ZNF142: variants seen among roughly 807,000 people sequenced by gnomAD.
ZNF142 encodes zinc finger protein 142 (clone pHZ-49).
Under a neutral mutation model 132.1 loss-of-function variants are expected in ZNF142, and 96 were observed. That is an observed-to-expected ratio of 0.73 (90% CI 0.62 to 0.86). The LOEUF is 0.86. Ranked by LOEUF, ZNF142 falls within the 40% of genes least tolerant of loss-of-function variation. The pLI is 0.00. For synonymous variants in ZNF142, 842 were observed against 890.1 expected, an observed-to-expected ratio of 0.95 and a Z score of 0.96; for missense variants, 2,163 against 2,336.2, an observed-to-expected ratio of 0.93 and a Z score of 1.53.
At position 218,652,981 on chromosome 2, in the gene ZNF142, T is replaced by TAA. The variant is rs113824084; in HGVS notation, c.281-683_281-682dup. On this transcript the variant is annotated intron_variant, in intron 4 of 10. Transcript: ENST00000411696. ...TGCTCTTTATTGTTTTTTTTGTTGT[T>TAA]AAAAAAAAAAATTTCAGGGCCAGGT... 2.9e-3 allele frequency among the ~76,000 whole-genome samples: 436 copies of TAA among 149,238 alleles called. 2 individuals are homozygous for TAA. The South Asian group carries it at 0.029, about 10-fold the overall frequency.
In ZNF142 at chr2:218,640,590, A is replaced by T. The variant is rs1360441575; in HGVS notation, c.5194+74T>A. On this transcript the variant is annotated intron_variant, in intron 10 of 10. Coordinates refer to ENST00000411696, the MANE Select transcript of ZNF142 (RefSeq NM_001379659.1). ...ATGTTGGCCCTGAATTGGAACAAGG[A>T]CCAACCTTGGTAAGGTTAGGTTTGC... is the stretch of plus-strand genomic sequence containing the variant. 6 of 1,366,660 alleles carry T rather than the reference A, an allele frequency of 4.4e-6. No individual in the cohort carries two copies. In the African/African-American group the frequency reaches 8.6e-5, roughly 19 times the overall value. The allele number at this position is 1,366,660 out of a possible 1,614,324, so 84.7% of individuals were successfully genotyped here. A position where few individuals can be genotyped will look rare whatever the true frequency, so the allele number is the denominator to read the frequency against.
chr2:218,650,163 A>G (rs912299978), intron 6 of ZNF142, among the ~76,000 whole-genome samples, 196 bp downstream of exon 6: 1 of 152,174 alleles, frequency 6.6e-6, no homozygotes, highest in East Asian at 1.9e-4. Flanking sequence ...ATTTACCCCA[A>G]TGCTATATTA....
chr2:218,642,036 G>T lies in ZNF142; in HGVS notation c.5080C>A (p.Arg1694Ser). 5 of 1,613,480 alleles carry T rather than the reference G, an allele frequency of 3.1e-6. No homozygotes were observed. ...LCPYACADPS[R>S]LKYHMRIHKE... is the part of the protein sequence containing the mutation. ...ATATCCTCTGACATTACCTTGAGAC[G>T]AGAGGGATCAGCACAGGCATAGGGG... The change falls in exon 9 of 11, where the codon CGT becomes AGT. Residue 1694 changes from arginine to serine, a missense_variant. Around this residue, in one of 7 missense-constraint regions of ZNF142, gnomAD observed 325 missense variants for 367.8 expected, o/e 0.88. Coordinates refer to ENST00000411696, the MANE Select transcript of ZNF142 (RefSeq NM_001379659.1). The surrounding 1 kb of genome is among the most constrained non-coding windows in gnomAD (Gnocchi z 4.6).
rs573181493 is a variant in ZNF142, at chr2:218,636,439, C to A, written c.*1900G>T. 4 of 1,614,000 alleles carry A rather than the reference C, an allele frequency of 2.5e-6. No individual in the cohort carries two copies. The South Asian group carries it at 4.4e-5, about 18-fold the overall frequency. On this transcript the variant is annotated 3_prime_UTR_variant, in exon 11 of 11. Transcript: ENST00000411696. ...CTGGCCAATACCCCAGCTCTGGCTG[C>A]CTTCCTAATGCTGTCCTCCTGCCCC...
In ZNF142 at chr2:218,643,307, G is replaced by A. The variant is rs371282409; in HGVS notation, c.3809C>T (p.Pro1270Leu). The change falls in exon 9 of 11, where the codon CCG becomes CTG. Residue 1270 changes from proline (P) to leucine (L), a missense_variant. Pro to Leu is a moderately conservative substitution (Grantham distance 98). This residue lies in a region of ZNF142 where 809 missense variants were observed against 801.7 expected (regional missense o/e 1.01). Coordinates refer to ENST00000411696, the MANE Select transcript of ZNF142 (RefSeq NM_001379659.1). Reference sequence around the variant, plus strand: ...GGGAGCAGAGTCCCCATTGCTCAACGGGGACACATCAGGCTGGGTCTGGGG... The same window carrying A: ...GGGAGCAGAGTCCCCATTGCTCAACAGGGACACATCAGGCTGGGTCTGGGG... ...GTPQTQPDVS[P>L]LSNGDSAPPK... is the part of the protein sequence containing the mutation. 7.9e-5 allele frequency: 127 copies of A among 1,614,176 alleles called. 1 individual carries two copies. In the South Asian group the frequency reaches 1.1e-3, roughly 14 times the overall value.
intron 3 of ZNF142, among the ~76,000 whole-genome samples, chr2:218,657,634 TG>T (rs1271168236): frequency 4.6e-5 from 7 of 152,140 alleles, no homozygotes; most frequent in African/African-American, 1.7e-4. Flanking sequence ...TTCTCCATGT[TG>T]GTTGGGCTGG....
At chr2:218,656,548 C>T in intron 3 of ZNF142, 85 bp from the exon 4 acceptor site, 1 of 1,002,920 alleles carries the variant, frequency 1.0e-6, no homozygotes, top group Non-Finnish European at 1.3e-6. Context: ...GCCCAGTGCC[C>T]ACCCACTTAG....
rs1272129195 is a variant in ZNF142, at chr2:218,643,824, C to G, written c.3292G>C (p.Gly1098Arg). ...KCPVLLRKNKGLPRPDSPIPL... is the reference protein window; with the variant it reads ...KCPVLLRKNKRLPRPDSPIPL... ...ATGGGTGAATCTGGTCTGGGCAAGC[C>G]CTTGTTCTTTCTGAGTAGAACAGGG... is the stretch of plus-strand genomic sequence containing the variant. The change falls in exon 9 of 11, where the codon GGC (glycine) becomes CGC (arginine). Residue 1098 changes from glycine (G) to arginine (R), a missense_variant. Physicochemically the swap from Gly to Arg is moderately radical, Grantham distance 125. Coordinates refer to ENST00000411696, the MANE Select transcript of ZNF142 (RefSeq NM_001379659.1). The G allele has an allele frequency of 1.2e-6, 2 of 1,613,320 alleles. No individual in the cohort carries two copies. Among genetic ancestry groups the G allele is most frequent in the Non-Finnish European group, 1.7e-6 (2 of 1,179,670 alleles).
intron 5 of ZNF142, among the ~76,000 whole-genome samples, chr2:218,650,864 C>T (rs944786100): frequency 6.6e-6 from 1 of 152,210 alleles, no homozygotes; most frequent in African/African-American, 2.4e-5. Context: ...TCTGGCCTCT[C>T]CTGGCCCGTT....
chr2:218,651,111 G>A lies in ZNF142; in HGVS notation c.881-585C>T, dbSNP rs575547752. On this transcript the variant is annotated intron_variant, in intron 5 of 10. Coordinates refer to ENST00000411696, the MANE Select transcript of ZNF142 (RefSeq NM_001379659.1). Reference sequence around the variant, plus strand: ...AAGTGATCCCCCACCTCAACCTCCCGAGTAACTGGGACTACAGACATGTAC... The same window carrying A: ...AAGTGATCCCCCACCTCAACCTCCCAAGTAACTGGGACTACAGACATGTAC... Among the ~76,000 whole-genome samples, 7 of 150,816 alleles carry A rather than the reference G, an allele frequency of 4.6e-5. No homozygotes were observed. The South Asian group carries it at 1.3e-3, about 27-fold the overall frequency.
At position 218,634,690 on chromosome 2, in the gene ZNF142, G is replaced by T. The variant is rs555720330; in HGVS notation, c.*3649C>A. ...GATAACTGGGATAGAAGTGAGGGAA[G>T]AGGTGGCTAGGCCTGACCGGAATGT... On this transcript the variant is annotated 3_prime_UTR_variant, in exon 11 of 11. Coordinates refer to ENST00000411696, the MANE Select transcript of ZNF142 (RefSeq NM_001379659.1). The surrounding 1 kb of genome is among the most constrained non-coding windows in gnomAD (Gnocchi z 4.0). The T allele has an allele frequency of 1.5e-5, 23 of 1,576,662 alleles. No individual in the cohort carries two copies. The highest frequency in any genetic ancestry group is 2.0e-5 in the Non-Finnish European group (23 of 1,154,326).
chr2:218,634,093 A>G lies in ZNF142; in HGVS notation c.*4246T>C. ...ACCCCACTTCCATCTCCCTCTCTAT[A>G]CCCTTTTACAGGCAATGAGTTTGTG... On this transcript the variant is annotated 3_prime_UTR_variant, in exon 11 of 11. Transcript: ENST00000411696. The surrounding 1 kb of genome is among the most constrained non-coding windows in gnomAD (Gnocchi z 4.0). The G allele has an allele frequency of 6.2e-7, 1 of 1,600,180 alleles. No homozygotes were observed.
At chr2:218,650,267 C>T (rs996365128) in intron 6 of ZNF142, 92 bp downstream of exon 6, 1 of 1,519,138 alleles carries the variant, frequency 6.6e-7, no homozygotes, top group Non-Finnish European at 9.0e-7. Flanking sequence ...CGAACCAAAG[C>T]TCAGAAAACA....
intron 4 of ZNF142, among the ~76,000 whole-genome samples, chr2:218,654,300 C>CAT (rs1938284460): frequency 2.6e-5 from 4 of 151,822 alleles, no homozygotes; most frequent in African/African-American, 9.7e-5. Context: ...TAAGCTGTAA[C>CAT]ATAGTGTTTC....
Position 218,640,746 on chromosome 2 carries a change from C to G in ZNF142, c.5112G>C (p.Glu1704Asp). The part of the protein sequence containing the change: ...RLKYHMRIHK[E>D]ERKYLCPECG... The stretch of plus-strand genomic sequence containing the variant: ...ACTCAGGGCACAGGTACTTCCGTTC[C>G]TCCTTGTGGATCCGCATGTGGTACT... The change falls in exon 10 of 11, where the codon GAG becomes GAC. Residue 1704 changes from glutamate (E) to aspartate (D), a missense_variant. Glu to Asp is a conservative substitution (Grantham distance 45). This residue lies in a region of ZNF142 where 325 missense variants were observed against 367.8 expected (regional missense o/e 0.88). Transcript: ENST00000411696. 6.2e-7 allele frequency: 1 copy of G among 1,614,176 alleles called. No individual in the cohort carries two copies. The highest frequency in any genetic ancestry group is 8.5e-7 in the Non-Finnish European group (1 of 1,180,026).
chr2:218,647,128 A>G (rs1433258972), intron 7 of ZNF142, among the ~76,000 whole-genome samples: 1 of 152,088 alleles, frequency 6.6e-6, no homozygotes, highest in African/African-American at 2.4e-5. Context: ...CTTTGTAAAA[A>G]AATTCCTCCT....
At chr2:218,646,521 A>G (rs1697744533) in intron 7 of ZNF142, among the ~76,000 whole-genome samples, 173 bp from the exon 8 acceptor site, 1 of 152,206 alleles carries the variant, frequency 6.6e-6, no homozygotes, top group Non-Finnish European at 1.5e-5. Flanking sequence ...GGGCCCTCTC[A>G]GACAACTACT....
intron 8 of ZNF142, 115 bp from the exon 9 acceptor site, chr2:218,645,179 C>T (rs1697630840): frequency 1.5e-6 from 2 of 1,302,950 alleles, no homozygotes; most frequent in Admixed American, 2.4e-5. Context: ...ACATGTGTCA[C>T]CTGATGTAAC....
At position 218,642,076 on chromosome 2, in the gene ZNF142, G is replaced by C. The variant is rs777294286; in HGVS notation, c.5040C>G (p.Tyr1680Ter). 1 of 1,614,228 alleles carries C rather than the reference G, an allele frequency of 6.2e-7. No individual in the cohort carries two copies. Among genetic ancestry groups the C allele is most frequent in the Non-Finnish European group, 8.5e-7 (1 of 1,180,042 alleles). The change falls in exon 9 of 11, where the codon TAC becomes TAG. Residue 1680 changes from tyrosine (Y) to a stop codon, truncating the protein, a stop_gained. Coordinates refer to ENST00000411696, the MANE Select transcript of ZNF142 (RefSeq NM_001379659.1). LOFTEE classifies it high-confidence loss of function. This position sits in a 1 kb window ranked among gnomAD's most constrained non-coding sequence, Gnocchi z 4.6. ...HSRIHTGEKP[Y>*]HCHLCPYACA... ...AGGCATAGGGGCAGAGGTGACAGTGGTAAGGCTTTTCCCCAGTGTGGATGC... is the reference window on the plus strand; with the variant it reads ...AGGCATAGGGGCAGAGGTGACAGTGCTAAGGCTTTTCCCCAGTGTGGATGC...
Sources: allele counts gnomAD v4.1 joint callset (sites outside exome capture counted in the v4.1 genomes callset), GRCh38; gene constraint gnomAD v4.1.1; regional missense constraint gnomAD v4.1.1; non-coding constraint Gnocchi (gnomAD v3.1); transcripts MANE v1.5; gene names NCBI Gene and HGNC (gene_info 2026-07-23, HGNC 2026-07-21).